ZBBX: variants seen among roughly 807,000 people sequenced by gnomAD.
The protein encoded by ZBBX is zinc finger B-box domain-containing protein 1.
ZBBX carries 101 observed loss-of-function variants against 108.5 expected under a neutral mutation model. The ratio of observed to expected loss-of-function variants is 0.93; its 90% CI spans 0.79 to 1.10. ZBBX has a LOEUF of 1.10. ZBBX is among the 50% of genes least tolerant of loss of function. ZBBX has a pLI of 0.00. For missense variants in ZBBX, 1,009 were observed against 941.4 expected (o/e 1.07, Z -0.94); for synonymous variants, 356 against 323.4 (o/e 1.10, Z -1.08).
At chr3:167,269,955 C>T (rs1726236029) in intron 20 of ZBBX, among the ~76,000 whole-genome samples, 2 of 152,182 alleles carry the variant, frequency 1.3e-5, no homozygotes, top group South Asian at 4.1e-4. Context: ...ACAACAGTAT[C>T]AGCAGACAGT....
chr3:167,198,208 T>G, the ZBBX span, among the ~76,000 whole-genome samples: 1 of 152,058 alleles, frequency 6.6e-6, no homozygotes, highest in Non-Finnish European at 1.5e-5. Flanking sequence ...TAGTGTTATA[T>G]CTAGTGTGAC....
rs539423133 is a variant in ZBBX at position 167,387,697 on chromosome 3, G to A, written c.-445-7292C>T. On this transcript the variant is annotated intron_variant, in intron 1 of 21. Coordinates refer to the ZBBX transcript ENST00000455345. ...ATTCCGTGAAGGGAAGATTCATTAAGAGGTCATCGCTGTTGTATAGGAGAT... is the reference window on the plus strand; with the variant it reads ...ATTCCGTGAAGGGAAGATTCATTAAAAGGTCATCGCTGTTGTATAGGAGAT... 1.7e-4 allele frequency among the ~76,000 whole-genome samples: 26 copies of A among 152,046 alleles called. 1 individual carries two copies. The South Asian group carries it at 5.4e-3, about 32-fold the overall frequency.
At chr3:167,343,316 C>T (rs1331659676) in intron 9 of ZBBX, among the ~76,000 whole-genome samples, 2 of 151,734 alleles carry the variant, frequency 1.3e-5, no homozygotes, top group Non-Finnish European at 2.9e-5. Context: ...TGGGTTAAGC[C>T]CCTGTACTGC....
At chr3:167,300,013 A>G (rs1732360988) in intron 17 of ZBBX, among the ~76,000 whole-genome samples, 1 of 152,182 alleles carries the variant, frequency 6.6e-6, no homozygotes, top group African/African-American at 2.4e-5. Context: ...AATTATTTAT[A>G]GAGATTGGCC....
intron 16 of ZBBX, among the ~76,000 whole-genome samples, chr3:167,309,952 C>T (rs1734298394): frequency 6.6e-6 from 1 of 152,180 alleles, no homozygotes; most frequent in African/African-American, 2.4e-5. Flanking sequence ...ACATAATTTC[C>T]AGTTTCATAC....
the ZBBX span, among the ~76,000 whole-genome samples, chr3:167,197,294 T>A: frequency 1.3e-5 from 2 of 150,704 alleles, no homozygotes; most frequent in African/African-American, 5.0e-5. Flanking sequence ...ATCCCAGCAC[T>A]TTGGGAGGCT....
intron 4 of ZBBX, among the ~76,000 whole-genome samples, chr3:167,371,817 AC>A (rs1428894029): frequency 1.3e-5 from 2 of 152,178 alleles, no homozygotes; most frequent in African/African-American, 4.8e-5. Context: ...ATACTTTTAT[AC>A]CCCATATCTC....
At chr3:167,362,282 C>T (rs572618614) in intron 6 of ZBBX, among the ~76,000 whole-genome samples, 2 of 152,184 alleles carry the variant, frequency 1.3e-5, no homozygotes, top group East Asian at 3.9e-4. Context: ...TATTAACATG[C>T]TGACTCCTCC....
chr3:167,192,233 T>C, the ZBBX span, among the ~76,000 whole-genome samples: 6 of 152,098 alleles, frequency 3.9e-5, no homozygotes, highest in Non-Finnish European at 8.8e-5. Context: ...TATTTTCACA[T>C]TGTTTATTTG....
chr3:167,330,865 G>GAAGAAGAAGAAGAAGAAGAAGA (rs1553820632), intron 10 of ZBBX, among the ~76,000 whole-genome samples: 265 of 21,726 alleles, frequency 0.012, 3 homozygotes, highest in East Asian at 0.033. Context: ...GGAGGAGGAG[G>GAAGAAGAAGAAGAAGAAGAAGA]AGGAGGAGAA....
intron 18 of ZBBX, among the ~76,000 whole-genome samples, chr3:167,290,513 C>T (rs1730494684): frequency 6.6e-6 from 1 of 151,988 alleles, no homozygotes; most frequent in African/African-American, 2.4e-5. Flanking sequence ...GTAACAACAT[C>T]AACAAAAAAA....
intron 20 of ZBBX, among the ~76,000 whole-genome samples, chr3:167,272,229 C>T (rs1296488183): frequency 6.6e-6 from 1 of 152,194 alleles, no homozygotes; most frequent in Non-Finnish European, 1.5e-5. Flanking sequence ...CCTATTTACA[C>T]TCCACTACCT....
intron 20 of ZBBX, among the ~76,000 whole-genome samples, chr3:167,268,713 T>C (rs943386846): frequency 2.6e-5 from 4 of 151,972 alleles, no homozygotes; most frequent in Non-Finnish European, 4.4e-5. Context: ...TCAAAGAAGA[T>C]ACAAAAATTA....
downstream of ZBBX, among the ~76,000 whole-genome samples, chr3:167,239,000 C>A (rs555646512): frequency 2.0e-5 from 3 of 152,130 alleles, no homozygotes; most frequent in African/African-American, 4.8e-5. Flanking sequence ...ATCTATATAT[C>A]TATCTACCTA....
chr3:167,336,229 G>C (rs1191106716), intron 9 of ZBBX, among the ~76,000 whole-genome samples: 2 of 151,578 alleles, frequency 1.3e-5, no homozygotes, highest in African/African-American at 4.8e-5. Context: ...AACATTTTTA[G>C]GTAGCATATT....
chr3:167,326,829 A>T (rs1044404008), intron 11 of ZBBX, among the ~76,000 whole-genome samples: 1 of 152,194 alleles, frequency 6.6e-6, no homozygotes, highest in East Asian at 1.9e-4. Context: ...ATTAGAAGAC[A>T]TTGTTGATAC....
chr3:167,202,126 T>C, the ZBBX span, among the ~76,000 whole-genome samples: 10 of 152,226 alleles, frequency 6.6e-5, no homozygotes, highest in African/African-American at 2.4e-4. Context: ...TGAGGCATAA[T>C]AATGTTACTG....
intron 18 of ZBBX, among the ~76,000 whole-genome samples, chr3:167,291,677 A>T (rs908848578): frequency 6.6e-6 from 1 of 152,186 alleles, no homozygotes; most frequent in African/African-American, 2.4e-5. Context: ...CTAGCATCAT[A>T]ATGGCAGGAT....
At chr3:167,269,237 T>TA (rs1184391833) in intron 20 of ZBBX, among the ~76,000 whole-genome samples, 1 of 152,210 alleles carries the variant, frequency 6.6e-6, no homozygotes, top group Non-Finnish European at 1.5e-5. Context: ...CTCGCTCCTC[T>TA]GTTTCCCTCT....
Sources: gnomAD v4.1 joint callset for allele counts (sites outside exome capture counted in the v4.1 genomes callset) on GRCh38, gnomAD v4.1.1 for gene constraint, MANE v1.5 for transcripts, NCBI Gene and HGNC (gene_info 2026-07-23, HGNC 2026-07-21) for gene names.